Variants in ATOSA observed in about 807,000 individuals in gnomAD.
ATOSA encodes the protein atos homolog protein A.
chr15:52,627,484 G>C, the ATOSA span, among the ~76,000 whole-genome samples: 1 of 152,070 alleles, frequency 6.6e-6, no homozygotes, highest in Non-Finnish European at 1.5e-5. Context: ...TAAGCAAAAT[G>C]AAAGCAGGCA....
the ATOSA span, among the ~76,000 whole-genome samples, chr15:52,622,265 T>C: frequency 2.3e-4 from 35 of 152,302 alleles, no homozygotes; most frequent in East Asian, 6.0e-3. Flanking sequence ...TCTGAAACAC[T>C]TTTTCTTTTT....
chr15:52,645,231 G>C, the ATOSA span, among the ~76,000 whole-genome samples: 3 of 152,198 alleles, frequency 2.0e-5, no homozygotes, highest in Non-Finnish European at 4.4e-5. Context: ...TTGATGTCAA[G>C]AGTTCGAGGC....
At chr15:52,687,375 A>C in the ATOSA span, among the ~76,000 whole-genome samples, 1 of 152,268 alleles carries the variant, frequency 6.6e-6, no homozygotes, top group East Asian at 1.9e-4. Context: ...ACTGCACTCC[A>C]GCCTGGGCGA....
At chr15:52,604,770 G>C in the ATOSA span, among the ~76,000 whole-genome samples, 28 of 152,172 alleles carry the variant, frequency 1.8e-4, no homozygotes, top group Non-Finnish European at 3.7e-4. Context: ...AGATGATTAA[G>C]TGAAGGGATT....
chr15:52,582,394 C>T, the ATOSA span: 4 of 1,155,904 alleles, frequency 3.5e-6, no homozygotes, highest in East Asian at 1.1e-4. Context: ...GTAGGAAGAA[C>T]AAATCTTGCT....
the ATOSA span, among the ~76,000 whole-genome samples, chr15:52,646,183 C>T: frequency 6.6e-6 from 1 of 152,150 alleles, no homozygotes; most frequent in Non-Finnish European, 1.5e-5. Flanking sequence ...CCACTGAATG[C>T]GTCTATGTGT....
At chr15:52,611,097 C>T in the ATOSA span, 17 of 1,580,542 alleles carry the variant, frequency 1.1e-5, no homozygotes, top group East Asian at 4.5e-5. Flanking sequence ...TGGCTGAATA[C>T]GCACTGTCCT....
chr15:52,597,843 G>T, the ATOSA span, among the ~76,000 whole-genome samples: 1 of 152,156 alleles, frequency 6.6e-6, no homozygotes, highest in African/African-American at 2.4e-5. Flanking sequence ...TACTAATATT[G>T]GCTAGGCGTG....
the ATOSA span, among the ~76,000 whole-genome samples, chr15:52,660,582 T>G: frequency 6.6e-6 from 1 of 152,252 alleles, no homozygotes. Flanking sequence ...TCTTACGCAC[T>G]GAAGAAATGC....
At chr15:52,634,949 T>A in the ATOSA span, among the ~76,000 whole-genome samples, 1 of 151,992 alleles carries the variant, frequency 6.6e-6, no homozygotes, top group African/African-American at 2.4e-5. Context: ...AAGTTAAAGG[T>A]TAAAAAAAGA....
chr15:52,608,715 A>C, the ATOSA span: 1 of 1,612,440 alleles, frequency 6.2e-7, no homozygotes, highest in Non-Finnish European at 8.5e-7. Context: ...TACATTTGAA[A>C]CCTTCATTAT....
the ATOSA span, chr15:52,581,448 T>C: frequency 6.6e-6 from 1 of 152,170 alleles, no homozygotes; most frequent in Non-Finnish European, 1.5e-5. Context: ...ATAGTAGTGA[T>C]TAAGGAAAAA....
At chr15:52,671,146 C>G in the ATOSA span, among the ~76,000 whole-genome samples, 23 of 152,226 alleles carry the variant, frequency 1.5e-4, no homozygotes, top group Middle Eastern at 3.4e-3. Flanking sequence ...AAACTGGAAA[C>G]CATTGTCACT....
chr15:52,640,007 C>T, the ATOSA span, among the ~76,000 whole-genome samples: 1,532 of 151,976 alleles, frequency 0.01, 24 homozygotes, highest in African/African-American at 0.035. Context: ...ATCCGCCGGC[C>T]TCAGCTTCCC....
the ATOSA span, among the ~76,000 whole-genome samples, chr15:52,620,123 G>A: frequency 1.2e-4 from 18 of 152,228 alleles, no homozygotes; most frequent in South Asian, 3.3e-3. Context: ...TCTGTCCATC[G>A]AGAAAAGTGA....
chr15:52,613,644 A>G, the ATOSA span: 1 of 1,604,346 alleles, frequency 6.2e-7, no homozygotes, highest in Non-Finnish European at 8.5e-7. Flanking sequence ...TATATAAAAG[A>G]TACAAAGCAT....
chr15:52,592,983 C>T, the ATOSA span, among the ~76,000 whole-genome samples: 1 of 151,978 alleles, frequency 6.6e-6, no homozygotes, highest in Non-Finnish European at 1.5e-5. Context: ...CCTGCCTCTA[C>T]AAAACATAAA....
chr15:52,617,703 CTT>C, the ATOSA span, among the ~76,000 whole-genome samples: 13 of 150,162 alleles, frequency 8.7e-5, no homozygotes, highest in African/African-American at 2.9e-4. Context: ...AGCTTTTACT[CTT>C]ATTTTTCACA....
chr15:52,611,994 A>AT, the ATOSA span, among the ~76,000 whole-genome samples: 13 of 151,670 alleles, frequency 8.6e-5, no homozygotes, highest in East Asian at 1.7e-3. Context: ...CATTTATTTT[A>AT]TTTTTTTTGC....
Sources: gnomAD v4.1 joint callset for allele counts (sites outside exome capture counted in the v4.1 genomes callset) on GRCh38, gnomAD v4.1.1 for gene constraint, MANE v1.5 for transcripts, NCBI Gene and HGNC (gene_info 2026-07-23, HGNC 2026-07-21) for gene names.